MIPOL1: variants seen among roughly 807,000 people sequenced by gnomAD.
MIPOL1 encodes mirror-image polydactyly 1.
Under a neutral mutation model 60.9 loss-of-function variants are expected in MIPOL1, and 57 were observed. The observed-to-expected ratio is 0.94, with a 90% CI of 0.76 to 1.17. The LOEUF is 1.17. Ranked by LOEUF, MIPOL1 falls within the 50% of genes most tolerant of loss-of-function variation. The pLI, the probability that MIPOL1 is intolerant of heterozygous loss-of-function variation, is 0.00. For synonymous variants in MIPOL1, 179 were observed against 168.8 expected (o/e 1.06, Z -0.47); for missense variants, 551 against 511.6 (o/e 1.08, Z -0.74).
intron 12 of MIPOL1, among the ~76,000 whole-genome samples, chr14:37,539,412 G>A (rs929194760): frequency 6.6e-6 from 1 of 152,092 alleles, no homozygotes; most frequent in Admixed American, 6.5e-5. Context: ...TTGCCCCAAC[G>A]CTCAGTCTAA....
At chr14:37,479,275 CA>C (rs1486354885) in intron 11 of MIPOL1, among the ~76,000 whole-genome samples, 1 of 152,094 alleles carries the variant, frequency 6.6e-6, no homozygotes, top group Admixed American at 6.6e-5. Flanking sequence ...GAACATTCTC[CA>C]GGATAGATCA....
At chr14:37,486,048 A>G (rs1434141856) in intron 11 of MIPOL1, among the ~76,000 whole-genome samples, 1 of 152,184 alleles carries the variant, frequency 6.6e-6, no homozygotes, top group African/African-American at 2.4e-5. Flanking sequence ...TTTTCTTCAT[A>G]TGGCTAGCCA....
chr14:37,434,539 G>A (rs760950947), intron 11 of MIPOL1: 1 of 151,734 alleles, frequency 6.6e-6, no homozygotes, highest in South Asian at 2.1e-4. Flanking sequence ...TCTCTGTATG[G>A]TTCTAATTTT....
chr14:37,211,267 T>C (rs1966839963), intron 1 of MIPOL1, among the ~76,000 whole-genome samples: 1 of 129,836 alleles, frequency 7.7e-6, no homozygotes, highest in Non-Finnish European at 1.5e-5. Flanking sequence ...AAAAATCAAG[T>C]GAGCACACAT....
intron 9 of MIPOL1, among the ~76,000 whole-genome samples, chr14:37,332,150 C>G (rs1378662048): frequency 6.6e-6 from 1 of 150,746 alleles, no homozygotes; most frequent in Non-Finnish European, 1.5e-5. Flanking sequence ...AAAAAAAAGG[C>G]ACTTTCAGTT....
intron 1 of MIPOL1, among the ~76,000 whole-genome samples, chr14:37,214,446 T>C (rs1481870438): frequency 1.3e-5 from 2 of 152,218 alleles, no homozygotes; most frequent in Non-Finnish European, 2.9e-5. Context: ...AGCCTCATTG[T>C]GGGCGGCAAG....
intron 1 of MIPOL1, among the ~76,000 whole-genome samples, chr14:37,222,886 T>C (rs752523523): frequency 5.9e-5 from 9 of 152,186 alleles, no homozygotes; most frequent in Non-Finnish European, 1.2e-4. Flanking sequence ...ATATTTGTTA[T>C]ATAGCAACAG....
intron 11 of MIPOL1, among the ~76,000 whole-genome samples, chr14:37,433,036 C>T (rs2094102166): frequency 6.6e-6 from 1 of 152,134 alleles, no homozygotes; most frequent in African/African-American, 2.4e-5. Flanking sequence ...GCTGGAAAAC[C>T]AGTGAAGGGC....
intron 11 of MIPOL1, among the ~76,000 whole-genome samples, chr14:37,426,570 C>CATATATATATATAT (rs68123796): frequency 0.11 from 9,727 of 84,756 alleles, 840 homozygotes; most frequent in Non-Finnish European, 0.14. Flanking sequence ...TCAAAATATA[C>CATATATATATATAT]ATATATATAT....
chr14:37,531,857 A>C (rs2095481520), intron 12 of MIPOL1, among the ~76,000 whole-genome samples: 1 of 152,152 alleles, frequency 6.6e-6, no homozygotes. Flanking sequence ...AGGGGAGAGA[A>C]GGGGACCTAT....
chr14:37,247,995 A>C lies in MIPOL1; in HGVS notation c.19+88A>C, dbSNP rs961570947. 6 of 1,387,170 alleles carry C rather than the reference A, an allele frequency of 4.3e-6. No homozygotes were observed. In the East Asian group the frequency reaches 1.4e-4, roughly 32 times the overall value. 85.9% of individuals were successfully genotyped at this position (1,387,170 alleles called of 1,614,324 possible). ...GAAGTGTGTTTGTTCTAACCAATAT[A>C]TTAGACAGAGGTAGACAAGTGCGCA... On this transcript the variant is annotated intron_variant, in intron 3 of 12. Coordinates refer to ENST00000684589, the MANE Select transcript of MIPOL1 (RefSeq NM_001388067.1).
chr14:37,271,644 A>T (rs939883729), intron 6 of MIPOL1, among the ~76,000 whole-genome samples: 1 of 151,840 alleles, frequency 6.6e-6, no homozygotes, highest in African/African-American at 2.4e-5. Context: ...TATTTTAAGG[A>T]AAATTAATAG....
intron 12 of MIPOL1, among the ~76,000 whole-genome samples, chr14:37,537,731 T>G (rs1221139365): frequency 6.6e-6 from 1 of 152,234 alleles, no homozygotes; most frequent in Non-Finnish European, 1.5e-5. Flanking sequence ...AAGTGACTTA[T>G]GGACTCTTCA....
chr14:37,226,944 T>A (rs1677880404), intron 1 of MIPOL1, among the ~76,000 whole-genome samples: 1 of 152,220 alleles, frequency 6.6e-6, no homozygotes, highest in African/African-American at 2.4e-5. Flanking sequence ...CAGTGTCCAG[T>A]TAATTCTTGA....
intron 11 of MIPOL1, among the ~76,000 whole-genome samples, chr14:37,468,009 A>G (rs2094623830): frequency 6.6e-6 from 1 of 150,804 alleles, no homozygotes; most frequent in Non-Finnish European, 1.5e-5. Context: ...AGCCGAGATC[A>G]TGCCACTGCG....
At chr14:37,292,033 C>T (rs1288792650) in intron 7 of MIPOL1, among the ~76,000 whole-genome samples, 1 of 148,496 alleles carries the variant, frequency 6.7e-6, no homozygotes, top group East Asian at 2.0e-4. Flanking sequence ...TCATGCCATT[C>T]TCCTGCCTCA....
chr14:37,538,626 G>C (rs117837522), intron 12 of MIPOL1, among the ~76,000 whole-genome samples: 1 of 152,062 alleles, frequency 6.6e-6, no homozygotes, highest in Non-Finnish European at 1.5e-5. Flanking sequence ...TCAGCTGCTC[G>C]TGCTCCACCC....
intron 12 of MIPOL1, among the ~76,000 whole-genome samples, chr14:37,520,276 CCT>C (rs1216028395): frequency 2.0e-5 from 3 of 151,944 alleles, no homozygotes; most frequent in African/African-American, 7.3e-5. Context: ...ATTTGTATTC[CCT>C]GTTAATCAAA....
chr14:37,472,476 T>G (rs1049846373), intron 11 of MIPOL1, among the ~76,000 whole-genome samples: 6 of 152,134 alleles, frequency 3.9e-5, no homozygotes, highest in African/African-American at 1.2e-4. Flanking sequence ...CAAAAATTCT[T>G]TTGGCTAGAA....
Sources: gnomAD v4.1 joint callset for allele counts (sites outside exome capture counted in the v4.1 genomes callset) on GRCh38, gnomAD v4.1.1 for gene constraint, MANE v1.5 for transcripts, NCBI Gene and HGNC (gene_info 2026-07-23, HGNC 2026-07-21) for gene names.